The following TRIP12 variants were observed in gnomAD, a reference collection of about 807,000 sequenced individuals.
TRIP12 encodes E3 ubiquitin-protein ligase TRIP12.
Under a neutral mutation model 244.2 loss-of-function variants are expected in TRIP12, and 25 were observed. The ratio of observed to expected loss-of-function variants is 0.10; its 90% CI spans 0.07 to 0.14. The LOEUF is 0.14. Ranked by LOEUF, TRIP12 falls within the 10% of genes least tolerant of loss-of-function variation. The probability of loss-of-function intolerance (pLI) is 1.00; values close to 1 mark genes in which losing one functional copy is unlikely to be tolerated. For missense variants in TRIP12, 1,677 were observed against 2,486.4 expected, an observed-to-expected ratio of 0.67 and a Z score of 6.92; for synonymous variants, 905 against 873.1, an observed-to-expected ratio of 1.04 and a Z score of -0.64.
chr2:229,817,643 G>A (rs868137574), intron 9 of TRIP12, among the ~76,000 whole-genome samples: 23 of 152,080 alleles, frequency 1.5e-4, no homozygotes, highest in African/African-American at 4.6e-4. Context: ...GCAGTGGCGC[G>A]ATCTTGGCTC....
chr2:229,870,661 G>A (rs2062399999), intron 2 of TRIP12, among the ~76,000 whole-genome samples: 1 of 152,088 alleles, frequency 6.6e-6, no homozygotes, highest in Non-Finnish European at 1.5e-5. Context: ...TACTAAAGAA[G>A]GAAATTGCAA....
At chr2:229,856,864 A>T (rs759942279) in intron 4 of TRIP12, among the ~76,000 whole-genome samples, 2 of 152,224 alleles carry the variant, frequency 1.3e-5, no homozygotes, top group Non-Finnish European at 2.9e-5. Context: ...TAAACTTAAA[A>T]CATTTTATAC....
chr2:229,900,380 T>C (rs1322182185), intron 1 of TRIP12, among the ~76,000 whole-genome samples: 1 of 152,212 alleles, frequency 6.6e-6, no homozygotes, highest in African/African-American at 2.4e-5. Context: ...GATGTTTAAA[T>C]TCAAATAATT....
intron 1 of TRIP12, among the ~76,000 whole-genome samples, chr2:229,903,352 T>G (rs996331900): frequency 2.6e-5 from 4 of 152,116 alleles, no homozygotes; most frequent in Admixed American, 2.6e-4. Flanking sequence ...TTGGTCAAGT[T>G]TTCTATTTAC....
chr2:229,877,356 C>T (rs1376701174), intron 2 of TRIP12, among the ~76,000 whole-genome samples: 1 of 151,728 alleles, frequency 6.6e-6, no homozygotes, highest in Non-Finnish European at 1.5e-5. Context: ...ATGGTGAAAC[C>T]TCGTCTCTAC....
Position 229,778,723 on chromosome 2 carries a change from G to T in TRIP12, c.5210-136C>A. On this transcript the variant is annotated intron_variant, in intron 35 of 41. Transcript: ENST00000675903. The surrounding 1 kb of genome is among the most constrained non-coding windows in gnomAD (Gnocchi z 4.1). Reference sequence around the variant, plus strand: ...TCACTGAATGAAGTCCTCTAGAACTGGACAGGCCTTCCCTATTTGATAAAT... The same window carrying T: ...TCACTGAATGAAGTCCTCTAGAACTTGACAGGCCTTCCCTATTTGATAAAT... 1 of 1,348,302 alleles carries T rather than the reference G, an allele frequency of 7.4e-7. No individual in the cohort carries two copies. Among genetic ancestry groups the T allele is most frequent in the Non-Finnish European group, 1.0e-6 (1 of 978,012 alleles). 83.5% of individuals were successfully genotyped at this position (1,348,302 alleles called of 1,614,324 possible). A position where few individuals can be genotyped will look rare whatever the true frequency, so the allele number is the denominator to read the frequency against.
chr2:229,844,924 G>T (rs754657934), intron 4 of TRIP12, among the ~76,000 whole-genome samples: 2 of 151,962 alleles, frequency 1.3e-5, no homozygotes, highest in African/African-American at 4.8e-5. Context: ...TCTTCTCCAC[G>T]TGGTACCATT....
At chr2:229,885,531 A>C (rs1420124494) in intron 1 of TRIP12, among the ~76,000 whole-genome samples, 1 of 152,200 alleles carries the variant, frequency 6.6e-6, no homozygotes, top group African/African-American at 2.4e-5. Context: ...AACTACACAC[A>C]CCAGATAAAG....
At chr2:229,903,728 G>T (rs1381726978) in intron 1 of TRIP12, among the ~76,000 whole-genome samples, 4 of 152,106 alleles carry the variant, frequency 2.6e-5, no homozygotes, top group African/African-American at 9.6e-5. Context: ...TAAAAACATG[G>T]TTTTGGCCAG....
chr2:229,850,575 C>G lies in TRIP12; in HGVS notation c.1027+8197G>C, dbSNP rs12996812. 5.1e-4 allele frequency among the ~76,000 whole-genome samples: 78 copies of G among 152,324 alleles called. 1 individual carries two copies. The East Asian group carries it at 0.012, about 24-fold the overall frequency. ...CGTGTGGCAGTCCTCACAGCCCTCG[C>G]TCGCTCTCGGCGCCTCCTCTGCCTG... On this transcript the variant is annotated intron_variant, in intron 4 of 41. Coordinates refer to ENST00000675903, the MANE Select transcript of TRIP12 (RefSeq NM_001348323.3).
intron 4 of TRIP12, among the ~76,000 whole-genome samples, chr2:229,846,115 G>A (rs2057534178): frequency 1.3e-5 from 2 of 151,620 alleles, no homozygotes; most frequent in African/African-American, 4.9e-5. Context: ...TGACAAGAAA[G>A]GATTTAAAAT....
intron 1 of TRIP12, among the ~76,000 whole-genome samples, chr2:229,899,445 G>A (rs1170807083): frequency 6.6e-6 from 1 of 152,230 alleles, no homozygotes; most frequent in Non-Finnish European, 1.5e-5. Context: ...TATCAGCTGT[G>A]AAAGACATGA....
intron 8 of TRIP12, 89 bp from the exon 9 acceptor site, chr2:229,818,601 T>C: frequency 8.0e-7 from 1 of 1,252,774 alleles, no homozygotes; most frequent in South Asian, 1.5e-5. Context: ...ATTGGTTGCT[T>C]ATCTTCTTTG....
intron 9 of TRIP12, among the ~76,000 whole-genome samples, chr2:229,817,493 A>G (rs778118148): frequency 1.7e-4 from 26 of 152,220 alleles, no homozygotes; most frequent in Non-Finnish European, 3.1e-4. Context: ...TTAAAAGTTT[A>G]AGGAATCAAG....
intron 4 of TRIP12, among the ~76,000 whole-genome samples, chr2:229,853,564 C>G (rs1000623551): frequency 1.3e-5 from 2 of 152,044 alleles, no homozygotes; most frequent in Admixed American, 1.3e-4. Context: ...GGCTGAGACA[C>G]GAGAATCACT....
intron 4 of TRIP12, among the ~76,000 whole-genome samples, chr2:229,843,767 T>C (rs1362135278): frequency 6.6e-6 from 1 of 152,128 alleles, no homozygotes; most frequent in Non-Finnish European, 1.5e-5. Flanking sequence ...GATGCATGTC[T>C]ATAGTCCCAG....
At chr2:229,899,901 T>A (rs918258589) in intron 1 of TRIP12, among the ~76,000 whole-genome samples, 4 of 152,146 alleles carry the variant, frequency 2.6e-5, no homozygotes, top group Non-Finnish European at 5.9e-5. Flanking sequence ...ACAACCCAAA[T>A]ACACAATTCA....
At chr2:229,858,717 A>G (rs1446466420) in intron 4 of TRIP12, 55 bp downstream of exon 4, 3 of 1,468,082 alleles carry the variant, frequency 2.0e-6, no homozygotes, top group Non-Finnish European at 2.7e-6. Flanking sequence ...ATTGCTTTTG[A>G]CAAACCAAGA....
At chr2:229,806,847 C>T (rs1247722919) in intron 17 of TRIP12, among the ~76,000 whole-genome samples, 1 of 152,050 alleles carries the variant, frequency 6.6e-6, no homozygotes, top group Non-Finnish European at 1.5e-5. Flanking sequence ...ACTGTCTATT[C>T]AAAATGTGTG....
Sources: allele counts gnomAD v4.1 joint callset (sites outside exome capture counted in the v4.1 genomes callset), GRCh38; gene constraint gnomAD v4.1.1; non-coding constraint Gnocchi (gnomAD v3.1); transcripts MANE v1.5; gene names NCBI Gene and HGNC (gene_info 2026-07-23, HGNC 2026-07-21).